Variants in BZW2 observed in about 807,000 individuals in gnomAD.
The protein encoded by BZW2 is basic leucine zipper and W2 domains 2, also known as eIF5-mimic protein 1.
BZW2 carries 23 observed loss-of-function variants against 53.2 expected under a neutral mutation model. The ratio of observed to expected loss-of-function variants is 0.43; its 90% CI spans 0.31 to 0.61. The LOEUF (loss-of-function observed/expected upper bound fraction) is 0.61, where lower values mean the gene tolerates loss of function less well. Among genes scored for constraint, BZW2 ranks in the 20% least tolerant of loss-of-function variants. The pLI, the probability that BZW2 is intolerant of heterozygous loss-of-function variation, is 0.09. For missense variants in BZW2, 409 were observed against 503.1 expected, an observed-to-expected ratio of 0.81 and a Z score of 1.79; for synonymous variants, 227 against 186.4, an observed-to-expected ratio of 1.22 and a Z score of -1.77.
intron 2 of BZW2, among the ~76,000 whole-genome samples, chr7:16,667,680 A>G (rs1035745667): frequency 6.6e-6 from 1 of 152,250 alleles, no homozygotes; most frequent in Non-Finnish European, 1.5e-5. Context: ...TCTGCTGGGA[A>G]GCTTCATGTT....
chr7:16,665,618 C>A, intron 2 of BZW2, 117 bp downstream of exon 2: 1 of 1,498,124 alleles, frequency 6.7e-7, no homozygotes, highest in South Asian at 1.2e-5. Flanking sequence ...CATTTGAGCT[C>A]TGAGTGTAGA....
chr7:16,649,596 G>T, intron 1 of BZW2, among the ~76,000 whole-genome samples: 1 of 152,082 alleles, frequency 6.6e-6, no homozygotes, highest in Non-Finnish European at 1.5e-5. Context: ...TTGCATTTTT[G>T]AGTATTACAT....
At chr7:16,652,506 T>G (rs1309897702) in intron 1 of BZW2, among the ~76,000 whole-genome samples, 1 of 150,804 alleles carries the variant, frequency 6.6e-6, no homozygotes, top group Non-Finnish European at 1.5e-5. Flanking sequence ...AATGAATGAT[T>G]CTCTGTAGGT....
intron 1 of BZW2, among the ~76,000 whole-genome samples, chr7:16,661,623 A>T (rs1782263485): frequency 6.6e-6 from 1 of 152,182 alleles, no homozygotes. Flanking sequence ...TCAAGTTTCT[A>T]AATATTTGAT....
chr7:16,705,578 G>A (rs1361452119), intron 11 of BZW2, among the ~76,000 whole-genome samples: 12 of 150,662 alleles, frequency 8.0e-5, no homozygotes, highest in South Asian at 4.2e-4. Context: ...ACAGCTACTC[G>A]GGAGGCTGAG....
chr7:16,651,056 C>T (rs1191196277), intron 1 of BZW2, among the ~76,000 whole-genome samples: 1 of 151,952 alleles, frequency 6.6e-6, no homozygotes, highest in African/African-American at 2.4e-5. Context: ...AGTATAATGA[C>T]AAAAAGAAAG....
intron 7 of BZW2, among the ~76,000 whole-genome samples, chr7:16,694,412 G>A (rs963449944): frequency 2.0e-5 from 3 of 152,134 alleles, no homozygotes; most frequent in African/African-American, 7.2e-5. Context: ...GTCCCAGGAA[G>A]GCTCAGAGTA....
At chr7:16,692,620 C>G (rs1003917679) in intron 7 of BZW2, among the ~76,000 whole-genome samples, 1 of 151,926 alleles carries the variant, frequency 6.6e-6, no homozygotes, top group Admixed American at 6.6e-5. Flanking sequence ...AAAAATTAGC[C>G]GGGCGTGATG....
chr7:16,656,922 A>C (rs556158214), intron 1 of BZW2, among the ~76,000 whole-genome samples: 2 of 152,070 alleles, frequency 1.3e-5, no homozygotes, highest in Admixed American at 6.6e-5. Flanking sequence ...TGTTGTTTTG[A>C]TCTAGCTTGA....
chr7:16,651,600 G>A (rs1311110805), intron 1 of BZW2, among the ~76,000 whole-genome samples: 1 of 152,196 alleles, frequency 6.6e-6, no homozygotes. Flanking sequence ...AGGATGCGGT[G>A]TTAGTATTTG....
At chr7:16,701,328 A>G (rs1783660568) in intron 10 of BZW2, among the ~76,000 whole-genome samples, 1 of 152,142 alleles carries the variant, frequency 6.6e-6, no homozygotes, top group African/African-American at 2.4e-5. Flanking sequence ...GTGTAAAACT[A>G]CCTTGTCAAG....
intron 1 of BZW2, among the ~76,000 whole-genome samples, chr7:16,657,176 A>T (rs1265240754): frequency 6.6e-6 from 1 of 152,192 alleles, no homozygotes; most frequent in African/African-American, 2.4e-5. Context: ...AGTATATACA[A>T]TTTTCTAATT....
intron 2 of BZW2, among the ~76,000 whole-genome samples, chr7:16,670,043 G>A (rs1402389628): frequency 6.6e-6 from 1 of 152,124 alleles, no homozygotes; most frequent in African/African-American, 2.4e-5. Flanking sequence ...TAGTGTTCTT[G>A]CCATTTTCTT....
At chr7:16,666,505 C>T (rs11766145) in intron 2 of BZW2, among the ~76,000 whole-genome samples, 67,092 of 151,252 alleles carry the variant, frequency 0.44, 16,314 homozygotes, top group African/African-American at 0.67. Context: ...CAGGTTCAAG[C>T]GATTCTCCTG....
intron 3 of BZW2, among the ~76,000 whole-genome samples, chr7:16,674,933 G>C (rs1032105045): frequency 7.2e-5 from 11 of 152,092 alleles, no homozygotes; most frequent in Non-Finnish European, 1.2e-4. Context: ...CTATAACTTA[G>C]TGTATAAATT....
chr7:16,685,876 C>CTTTTTTTTTTTTTTTTTTTTTTTTTTCT, intron 5 of BZW2, 29 bp from the exon 6 acceptor site: 1 of 1,293,584 alleles, frequency 7.7e-7, no homozygotes. Flanking sequence ...TTTTCTTTTT[C>CTTTTTTTTTTTTTTTTTTTTTTTTTTCT]TTTTTTTTTT....
chr7:16,695,040 A>C, intron 8 of BZW2, 36 bp downstream of exon 8: 1 of 1,484,572 alleles, frequency 6.7e-7, no homozygotes, highest in Non-Finnish European at 9.1e-7. Context: ...CTCAATACAC[A>C]TGAATGAGAG....
At chr7:16,664,115 G>C (rs941421308) in intron 1 of BZW2, among the ~76,000 whole-genome samples, 7 of 152,024 alleles carry the variant, frequency 4.6e-5, no homozygotes, top group African/African-American at 1.2e-4. Flanking sequence ...AATATCCCTT[G>C]AGCATCTTTC....
intron 1 of BZW2, among the ~76,000 whole-genome samples, chr7:16,661,651 T>C (rs952269451): frequency 1.3e-5 from 2 of 152,190 alleles, no homozygotes; most frequent in Admixed American, 6.5e-5. Context: ...ATCATTTTAG[T>C]ATTCTTATCG....
Sources: allele counts gnomAD v4.1 joint callset (sites outside exome capture counted in the v4.1 genomes callset), GRCh38; gene constraint gnomAD v4.1.1; transcripts MANE v1.5; gene names NCBI Gene and HGNC (gene_info 2026-07-23, HGNC 2026-07-21).